Variants in FBXL20 observed in about 807,000 individuals in gnomAD.
FBXL20 encodes the protein F-box and leucine rich repeat protein 20, also known as F-box/LRR-repeat protein 20.
FBXL20 carries 11 observed loss-of-function variants against 64.0 expected under a neutral mutation model. The observed-to-expected ratio is 0.17, with a 90% CI of 0.11 to 0.28. The LOEUF (loss-of-function observed/expected upper bound fraction) is 0.28. Ranked by LOEUF, FBXL20 falls within the 10% of genes least tolerant of loss-of-function variation. The pLI is 1.00. For missense variants in FBXL20, 303 were observed against 526.2 expected, an observed-to-expected ratio of 0.58 and a Z score of 4.15; for synonymous variants, 184 against 189.0, an observed-to-expected ratio of 0.97 and a Z score of 0.22.
intron 1 of FBXL20, among the ~76,000 whole-genome samples, chr17:39,379,083 T>C (rs73293051): frequency 0.38 from 57,043 of 149,572 alleles, 13,945 homozygotes; most frequent in African/African-American, 0.69. Flanking sequence ...CAAAATTAGC[T>C]GGGGTGGTGG....
At chr17:39,337,627 G>A (rs1355313208) in intron 2 of FBXL20, among the ~76,000 whole-genome samples, 1 of 150,734 alleles carries the variant, frequency 6.6e-6, no homozygotes, top group Non-Finnish European at 1.5e-5. Context: ...GAGCGTCTCT[G>A]CCCGGCCGCC....
At chr17:39,293,724 T>C (rs1158768791) in intron 6 of FBXL20, among the ~76,000 whole-genome samples, 1 of 152,086 alleles carries the variant, frequency 6.6e-6, no homozygotes, top group Non-Finnish European at 1.5e-5. Flanking sequence ...TTCCCAGTAA[T>C]TGTTTTTTTC....
intron 11 of FBXL20, among the ~76,000 whole-genome samples, chr17:39,269,725 T>TGACCTCAGGTGATCCACCCCCC (rs979813080): frequency 6.6e-6 from 1 of 151,006 alleles, no homozygotes; most frequent in African/African-American, 2.4e-5. Flanking sequence ...CTCGAACTCC[T>TGACCTCAGGTGATCCACCCCCC]GACCTCAGGT....
chr17:39,264,110 G>T, intron 14 of FBXL20, 65 bp downstream of exon 14: 1 of 1,495,110 alleles, frequency 6.7e-7, no homozygotes, highest in African/African-American at 1.4e-5. Flanking sequence ...TTGAAAAAAG[G>T]AAAAAAAAAG....
Position 39,338,399 on chromosome 17 carries a change from C to T in FBXL20, c.104+4781G>A, listed in dbSNP as rs1041620418. On this transcript the variant is annotated intron_variant, in intron 2 of 14. Transcript: ENST00000264658. ...CAAGTACCCAGGGACACAAACACTGCGGAAGGCCGCAGGGTCCTCTGCCTA... is the reference window on the plus strand; with the variant it reads ...CAAGTACCCAGGGACACAAACACTGTGGAAGGCCGCAGGGTCCTCTGCCTA... 2.0e-5 allele frequency among the ~76,000 whole-genome samples: 3 copies of T among 152,254 alleles called. No individual in the cohort carries two copies. In the East Asian group the frequency reaches 5.8e-4, roughly 29 times the overall value.
Position 39,379,007 on chromosome 17 carries a change from C to T in FBXL20, c.42+22354G>A, listed in dbSNP as rs763697427. Among the ~76,000 whole-genome samples, 93 of 150,424 alleles carry T rather than the reference C, an allele frequency of 6.2e-4. 2 individuals carry two copies. Among genetic ancestry groups the T allele is most frequent in the Middle Eastern group, 6.8e-3 (2 of 292 alleles). On this transcript the variant is annotated intron_variant, in intron 1 of 14. Coordinates refer to ENST00000264658, the MANE Select transcript of FBXL20 (RefSeq NM_032875.3). ...CTTTGGGAGGCCGAGGCGGGCAGATCACCTGAGGTCGGGAGTTCAAGACCA... is the reference window on the plus strand; with the variant it reads ...CTTTGGGAGGCCGAGGCGGGCAGATTACCTGAGGTCGGGAGTTCAAGACCA...
chr17:39,334,905 T>C (rs2047505467), intron 2 of FBXL20, among the ~76,000 whole-genome samples: 1 of 152,152 alleles, frequency 6.6e-6, no homozygotes, highest in Non-Finnish European at 1.5e-5. Context: ...CTGGCTAACA[T>C]GGTGAAACAC....
chr17:39,307,089 G>A (rs982848562), intron 2 of FBXL20, among the ~76,000 whole-genome samples: 33 of 152,194 alleles, frequency 2.2e-4, no homozygotes, highest in African/African-American at 7.7e-4. Context: ...CTGAAGCTGT[G>A]GTTATAATTT....
chr17:39,369,259 T>C (rs2047891644), intron 1 of FBXL20, among the ~76,000 whole-genome samples: 2 of 84,698 alleles, frequency 2.4e-5, no homozygotes, highest in African/African-American at 1.9e-4. Context: ...TTCAATGCTT[T>C]TTTTTTTTTT....
intron 7 of FBXL20, among the ~76,000 whole-genome samples, chr17:39,285,189 T>C (rs371164794): frequency 1.3e-5 from 2 of 152,062 alleles, no homozygotes; most frequent in Non-Finnish European, 1.5e-5. Context: ...CAGGCGTGAG[T>C]CTTCATGCCT....
chr17:39,313,998 TCA>T (rs1414135706), intron 2 of FBXL20, among the ~76,000 whole-genome samples: 3 of 152,120 alleles, frequency 2.0e-5, no homozygotes, highest in Non-Finnish European at 2.9e-5. Context: ...TTTAGTATAT[TCA>T]CAGTGTTGTG....
At chr17:39,263,973 G>T in intron 14 of FBXL20, 1 of 558,970 alleles carries the variant, frequency 1.8e-6, no homozygotes, top group Non-Finnish European at 3.1e-6. Context: ...TCCCTTCAGT[G>T]GGTCTTTTCC....
intron 2 of FBXL20, among the ~76,000 whole-genome samples, chr17:39,303,843 T>C (rs763735967): frequency 1.4e-4 from 21 of 152,094 alleles, no homozygotes; most frequent in Non-Finnish European, 2.6e-4. Context: ...CGTGCCACCA[T>C]ACCTGGCTAC....
At chr17:39,311,100 G>A (rs566730020) in intron 2 of FBXL20, among the ~76,000 whole-genome samples, 9 of 152,044 alleles carry the variant, frequency 5.9e-5, no homozygotes, top group Non-Finnish European at 1.2e-4. Context: ...CCAGGAGTAC[G>A]AGGTTGCAGT....
At chr17:39,302,098 A>G (rs988068401) in intron 3 of FBXL20, among the ~76,000 whole-genome samples, 59 of 152,094 alleles carry the variant, frequency 3.9e-4, no homozygotes, top group African/African-American at 1.4e-3. Context: ...ATCCTTAAAA[A>G]AAATCCTTCT....
At chr17:39,279,080 G>T (rs967615009) in intron 9 of FBXL20, among the ~76,000 whole-genome samples, 3 of 152,004 alleles carry the variant, frequency 2.0e-5, no homozygotes, top group Non-Finnish European at 4.4e-5. Flanking sequence ...GGAGATGGAG[G>T]TTGCAGAGAG....
intron 2 of FBXL20, among the ~76,000 whole-genome samples, chr17:39,324,075 G>C (rs2047386084): frequency 7.6e-6 from 1 of 131,598 alleles, no homozygotes; most frequent in South Asian, 2.2e-4. Flanking sequence ...CACCGTGCCT[G>C]GCCTATACTT....
chr17:39,350,895 C>T (rs1198522995), intron 1 of FBXL20, among the ~76,000 whole-genome samples: 1 of 152,072 alleles, frequency 6.6e-6, no homozygotes, highest in Admixed American at 6.6e-5. Flanking sequence ...GGGGCAATCT[C>T]TATTTTAACA....
At chr17:39,330,286 G>A (rs1017151082) in intron 2 of FBXL20, among the ~76,000 whole-genome samples, 15 of 150,988 alleles carry the variant, frequency 9.9e-5, no homozygotes, top group African/African-American at 3.7e-4. Flanking sequence ...AACAGAGCAA[G>A]ACTCTGTCTC....
Sources: gnomAD v4.1 joint callset for allele counts (sites outside exome capture counted in the v4.1 genomes callset) on GRCh38, gnomAD v4.1.1 for gene constraint, MANE v1.5 for transcripts, NCBI Gene and HGNC (gene_info 2026-07-23, HGNC 2026-07-21) for gene names.